RBMS2: variants seen among roughly 807,000 people sequenced by gnomAD.
RBMS2 encodes the protein RNA-binding motif, single-stranded-interacting protein 2.
In RBMS2, 38 loss-of-function variants were observed where a neutral mutation model predicts 58.4. The observed-to-expected ratio is 0.65, with a 90% CI of 0.50 to 0.85. The LOEUF is 0.85. Among genes scored for constraint, RBMS2 ranks in the 40% least tolerant of loss-of-function variants. The pLI is 0.00. For synonymous variants in RBMS2, 151 were observed against 180.7 expected (o/e 0.84, Z 1.32); for missense variants, 367 against 503.7 (o/e 0.73, Z 2.60).
chr12:56,529,318 C>T (rs977472782), intron 1 of RBMS2, among the ~76,000 whole-genome samples: 12 of 151,892 alleles, frequency 7.9e-5, no homozygotes, highest in African/African-American at 2.2e-4. Flanking sequence ...TTTGGGAGCC[C>T]GAGGCAGGTG....
Position 56,593,773 on chromosome 12 carries a change from C to G in RBMS2, c.*4640C>G, listed in dbSNP as rs1159274032. 6.6e-6 allele frequency: 1 copy of G among 152,316 alleles called. No homozygotes were observed. Among genetic ancestry groups the G allele is most frequent in the Non-Finnish European group, 1.5e-5 (1 of 68,172 alleles). The allele number at this position is 152,316 out of a possible 1,614,324, so 9.4% of individuals were successfully genotyped here. The stretch of plus-strand genomic sequence containing the variant: ...CATTGCCCAGGCTGGTGTTGAACTC[C>G]TGGGCTCAAATGATCCACCTGCCTT... On this transcript the variant is annotated 3_prime_UTR_variant, in exon 14 of 14. Transcript: ENST00000262031.
Position 56,571,840 on chromosome 12 carries a change from G to A in RBMS2, c.527G>A (p.Gly176Asp), listed in dbSNP as rs1219504869. ...CGAGATACCAGTGGGACCAGCAGAG[G>A]TGTTGGCTTTGCAAGGTGAGGATGG... ...ILRDTSGTSR[G>D]VGFARMESTE... Residue 176 changes from glycine to aspartate, a missense_variant, in exon 5 of 14, where the codon GGT becomes GAT. Physicochemically the swap from Gly to Asp is moderately conservative, Grantham distance 94. Coordinates refer to ENST00000262031, the MANE Select transcript of RBMS2 (RefSeq NM_002898.4). 3.2e-6 allele frequency: 5 copies of A among 1,565,010 alleles called. No homozygotes were observed. The highest frequency in any genetic ancestry group is 4.3e-6 in the Non-Finnish European group (5 of 1,154,384).
At chr12:56,587,727 C>A in intron 11 of RBMS2, 63 bp downstream of exon 11, 1 of 1,526,440 alleles carries the variant, frequency 6.6e-7, no homozygotes, top group Non-Finnish European at 8.9e-7. Flanking sequence ...GTGTAATACT[C>A]TTCAGCGTAA....
Position 56,589,035 on chromosome 12 carries a change from G to T in RBMS2, c.*6+17G>T, listed in dbSNP as rs1156516781. 7 of 1,612,586 alleles carry T rather than the reference G, an allele frequency of 4.3e-6. No individual in the cohort carries two copies. The highest frequency in any genetic ancestry group is 1.3e-5 in the African/African-American group (1 of 74,916). On this transcript the variant is annotated intron_variant, in intron 13 of 13. Coordinates refer to ENST00000262031, the MANE Select transcript of RBMS2 (RefSeq NM_002898.4). ...TAACAGTGGGTAAGAACCACATGCT[G>T]GGGGGCAGGGAGGGCTGCACTGGCA...
At chr12:56,520,964 A>G (rs1041968581), upstream of RBMS2, among the ~76,000 whole-genome samples, 4 of 152,180 alleles carry the variant, frequency 2.6e-5, no homozygotes, top group Non-Finnish European at 5.9e-5. Context: ...ATTCCTTCTT[A>G]AGTATGAACT....
chr12:56,581,555 G>A, intron 7 of RBMS2, 47 bp downstream of exon 7: 1 of 1,537,176 alleles, frequency 6.5e-7, no homozygotes, highest in Non-Finnish European at 9.0e-7. Flanking sequence ...CATTAAAGTG[G>A]AACGGAAATG....
intron 2 of RBMS2, among the ~76,000 whole-genome samples, chr12:56,567,763 C>T (rs575026058): frequency 9.3e-5 from 14 of 151,018 alleles, no homozygotes; most frequent in Non-Finnish European, 1.5e-4. Context: ...CCCAGGAGTT[C>T]GAGGCTGCAG....
At chr12:56,547,482 C>A (rs1395168614) in intron 1 of RBMS2, among the ~76,000 whole-genome samples, 1 of 152,082 alleles carries the variant, frequency 6.6e-6, no homozygotes, top group East Asian at 1.9e-4. Flanking sequence ...CAAGACTGGG[C>A]ACATAATGAG....
chr12:56,582,436 T>C (rs1884094516), intron 9 of RBMS2, among the ~76,000 whole-genome samples: 2 of 152,200 alleles, frequency 1.3e-5, no homozygotes. Context: ...TACACATATG[T>C]ATAGCATTTG....
At chr12:56,544,237 C>T (rs1341495369) in intron 1 of RBMS2, among the ~76,000 whole-genome samples, 1 of 152,230 alleles carries the variant, frequency 6.6e-6, no homozygotes, top group Non-Finnish European at 1.5e-5. Flanking sequence ...GATCATACCA[C>T]TGCACTCCAG....
At position 56,581,515 on chromosome 12, in the gene RBMS2, G is replaced by A; in HGVS notation, c.732+7G>A. ...GCCAAGGAATGCAGACATGGTAAGA[G>A]GACCTCTGAGGAGACAGGAGTACTA... On this transcript the variant is annotated splice_region_variant and intron_variant, in intron 7 of 13. Coordinates refer to ENST00000262031, the MANE Select transcript of RBMS2 (RefSeq NM_002898.4). 1 of 1,606,270 alleles carries A rather than the reference G, an allele frequency of 6.2e-7. No individual in the cohort carries two copies. The highest frequency in any genetic ancestry group is 8.5e-7 in the Non-Finnish European group (1 of 1,172,960).
intron 5 of RBMS2, among the ~76,000 whole-genome samples, chr12:56,577,469 A>ATTATTATT (rs569898884): frequency 1.3e-5 from 2 of 148,778 alleles, no homozygotes; most frequent in African/African-American, 4.9e-5. Flanking sequence ...TATTATTATT[A>ATTATTATT]TTATTATTAT....
chr12:56,564,467 A>G (rs1043457013), intron 2 of RBMS2, among the ~76,000 whole-genome samples: 10 of 152,016 alleles, frequency 6.6e-5, no homozygotes, highest in African/African-American at 2.2e-4. Flanking sequence ...GGCTCAAGCA[A>G]TCCTCCCACC....
chr12:56,594,959 G>C lies in RBMS2; in HGVS notation c.*5826G>C, dbSNP rs1259118558. ...TTAAACTCTTGGGAATTAAACTTGG[G>C]AATTTCTATTCCTACAGTGTTTTCT... On this transcript the variant is annotated 3_prime_UTR_variant, in exon 14 of 14. Coordinates refer to ENST00000262031, the MANE Select transcript of RBMS2 (RefSeq NM_002898.4). 1 of 151,640 alleles carries C rather than the reference G, an allele frequency of 6.6e-6. No individual in the cohort carries two copies. Among genetic ancestry groups the C allele is most frequent in the East Asian group, 1.9e-4 (1 of 5,202 alleles). 9.4% of individuals were successfully genotyped at this position (151,640 alleles called of 1,614,324 possible).
intron 1 of RBMS2, among the ~76,000 whole-genome samples, chr12:56,551,137 A>G (rs1878206334): frequency 2.0e-5 from 3 of 152,058 alleles, no homozygotes; most frequent in South Asian, 4.1e-4. Flanking sequence ...AAAAAAGAAA[A>G]AAAAAAGGGA....
intron 1 of RBMS2, among the ~76,000 whole-genome samples, chr12:56,559,360 G>A (rs1182673490): frequency 3.3e-5 from 5 of 151,332 alleles, no homozygotes; most frequent in African/African-American, 9.7e-5. Context: ...TGATTTTTTT[G>A]TATTTTTGGT....
At chr12:56,568,929 A>T in intron 2 of RBMS2, 46 bp from the exon 3 acceptor site, 1 of 1,475,916 alleles carries the variant, frequency 6.8e-7, no homozygotes, top group Non-Finnish European at 9.5e-7. Context: ...TCCTATTCTT[A>T]GTCTCTGCCC....
At chr12:56,553,433 A>G (rs1375616701) in intron 1 of RBMS2, among the ~76,000 whole-genome samples, 2 of 151,966 alleles carry the variant, frequency 1.3e-5, no homozygotes, top group Non-Finnish European at 2.9e-5. Context: ...GGTTTAAGCA[A>G]TTCTCCTGCC....
intron 1 of RBMS2, among the ~76,000 whole-genome samples, chr12:56,546,499 A>G (rs1026084812): frequency 6.7e-6 from 1 of 150,098 alleles, no homozygotes; most frequent in Admixed American, 6.7e-5. Context: ...AAAAAATATA[A>G]TTTTTTTGTA....
Sources: gnomAD v4.1 joint callset for allele counts (sites outside exome capture counted in the v4.1 genomes callset) on GRCh38, gnomAD v4.1.1 for gene constraint, MANE v1.5 for transcripts, NCBI Gene and HGNC (gene_info 2026-07-23, HGNC 2026-07-21) for gene names.